The following CNTNAP5 variants were observed in gnomAD, a reference collection of about 807,000 sequenced individuals.
The protein encoded by CNTNAP5 is contactin-associated protein-like 5.
CNTNAP5 carries 72 observed loss-of-function variants against 150.2 expected under a neutral mutation model. The ratio of observed to expected loss-of-function variants is 0.48; its 90% CI spans 0.40 to 0.58. The LOEUF (loss-of-function observed/expected upper bound fraction) is 0.58. CNTNAP5 is among the 20% of genes least tolerant of loss of function. The probability of loss-of-function intolerance (pLI) is 0.00; values close to 1 mark genes in which losing one functional copy is unlikely to be tolerated. For missense variants in CNTNAP5, 1,636 were observed against 1,626.2 expected (o/e 1.01, Z -0.10); for synonymous variants, 672 against 619.8 (o/e 1.08, Z -1.25).
intron 18 of CNTNAP5, among the ~76,000 whole-genome samples, chr2:124,796,518 A>G (rs1183840978): frequency 1.3e-5 from 2 of 152,238 alleles, no homozygotes; most frequent in Non-Finnish European, 2.9e-5. Flanking sequence ...TGTAACCTGC[A>G]TGATAAATGC....
At chr2:124,587,292 A>T (rs558247724) in intron 11 of CNTNAP5, among the ~76,000 whole-genome samples, 1 of 152,284 alleles carries the variant, frequency 6.6e-6, no homozygotes, top group South Asian at 2.1e-4. Context: ...TCCTCAATTT[A>T]TTCTGAGTCT....
At chr2:124,668,811 G>T (rs1365176924) in intron 13 of CNTNAP5, among the ~76,000 whole-genome samples, 1 of 152,090 alleles carries the variant, frequency 6.6e-6, no homozygotes, top group East Asian at 1.9e-4. Flanking sequence ...TGGTCATTTG[G>T]GTAGAAATGG....
Position 124,455,388 on chromosome 2 carries a change from C to T in CNTNAP5, c.918+8451C>T, listed in dbSNP as rs111458672. On this transcript the variant is annotated intron_variant, in intron 6 of 23. Coordinates refer to ENST00000682447, the MANE Select transcript of CNTNAP5 (RefSeq NM_001367498.1). Reference sequence around the variant, plus strand: ...TGCTGAACAGACCAATAACAAGCAGCGATATTGAAATAGTAATCAAAAAAT... The same window carrying T: ...TGCTGAACAGACCAATAACAAGCAGTGATATTGAAATAGTAATCAAAAAAT... 6.9e-4 allele frequency among the ~76,000 whole-genome samples: 105 copies of T among 152,010 alleles called. 2 individuals are homozygous for T. The highest frequency in any genetic ancestry group is 1.6e-3 in the African/African-American group (67 of 41,476).
intron 3 of CNTNAP5, among the ~76,000 whole-genome samples, chr2:124,344,017 G>A (rs555094734): frequency 6.6e-6 from 1 of 152,184 alleles, no homozygotes; most frequent in Non-Finnish European, 1.5e-5. Context: ...AGTTGTACCA[G>A]AACAAGAACC....
At chr2:124,166,042 A>C (rs1014822425) in intron 1 of CNTNAP5, among the ~76,000 whole-genome samples, 1 of 152,164 alleles carries the variant, frequency 6.6e-6, no homozygotes, top group African/African-American at 2.4e-5. Flanking sequence ...CTAAGACAGA[A>C]TATCATCTAG....
chr2:124,737,320 C>A (rs1334393922), intron 13 of CNTNAP5, among the ~76,000 whole-genome samples: 1 of 150,896 alleles, frequency 6.6e-6, no homozygotes, highest in African/African-American at 2.4e-5. Context: ...GGAACGATAG[C>A]GTGATGTTGG....
At chr2:124,516,444 A>T (rs1485335729) in intron 8 of CNTNAP5, among the ~76,000 whole-genome samples, 1 of 152,200 alleles carries the variant, frequency 6.6e-6, no homozygotes, top group Non-Finnish European at 1.5e-5. Context: ...AAGCCAATCT[A>T]TTTTGTTTCC....
intron 3 of CNTNAP5, among the ~76,000 whole-genome samples, chr2:124,354,954 G>T (rs1689960073): frequency 6.6e-6 from 1 of 151,928 alleles, no homozygotes; most frequent in South Asian, 2.1e-4. Context: ...TCTCAGAGAT[G>T]ACTCTTGAAC....
At chr2:124,629,995 T>C (rs924254799) in intron 12 of CNTNAP5, among the ~76,000 whole-genome samples, 10 of 127,196 alleles carry the variant, frequency 7.9e-5, no homozygotes, top group African/African-American at 2.8e-4. Flanking sequence ...CCTGGACACA[T>C]ACAACCTCCC....
chr2:124,638,537 C>T (rs1038935157), intron 12 of CNTNAP5, among the ~76,000 whole-genome samples: 1 of 152,080 alleles, frequency 6.6e-6, no homozygotes, highest in Non-Finnish European at 1.5e-5. Flanking sequence ...TAATATTCAA[C>T]TTTTGGACTT....
At chr2:124,504,846 A>G (rs566242477) in intron 8 of CNTNAP5, among the ~76,000 whole-genome samples, 4 of 151,516 alleles carry the variant, frequency 2.6e-5, no homozygotes, top group African/African-American at 9.7e-5. Context: ...AGCTGGGACT[A>G]CAGATGCACA....
At chr2:124,806,689 T>C (rs1006621961) in intron 19 of CNTNAP5, among the ~76,000 whole-genome samples, 3 of 152,192 alleles carry the variant, frequency 2.0e-5, no homozygotes, top group Non-Finnish European at 1.5e-5. Context: ...TGCTTCATTG[T>C]TTATAGAAAG....
At chr2:124,484,063 C>G (rs1221704376) in intron 7 of CNTNAP5, among the ~76,000 whole-genome samples, 1 of 152,192 alleles carries the variant, frequency 6.6e-6, no homozygotes, top group Non-Finnish European at 1.5e-5. Context: ...CTGTGGATCC[C>G]GACACTACTT....
chr2:124,185,143 A>G (rs1284573902), intron 1 of CNTNAP5, among the ~76,000 whole-genome samples: 1 of 152,192 alleles, frequency 6.6e-6, no homozygotes, highest in Non-Finnish European at 1.5e-5. Context: ...TAGTTTCCTT[A>G]TTAAAATTCC....
At chr2:124,504,186 G>T in intron 7 of CNTNAP5, 106 bp from the exon 8 acceptor site, 1 of 1,133,968 alleles carries the variant, frequency 8.8e-7, no homozygotes, top group Non-Finnish European at 1.3e-6. Context: ...CGCTGAATGT[G>T]GAATGATCCT....
intron 1 of CNTNAP5, among the ~76,000 whole-genome samples, chr2:124,083,202 A>G (rs1359612797): frequency 6.6e-6 from 1 of 152,038 alleles, no homozygotes; most frequent in Non-Finnish European, 1.5e-5. Flanking sequence ...ACAAAAATTG[A>G]CTGGGTGTGG....
chr2:124,812,326 A>T (rs1682254345), intron 19 of CNTNAP5, among the ~76,000 whole-genome samples: 1 of 150,418 alleles, frequency 6.6e-6, no homozygotes, highest in Admixed American at 6.7e-5. Flanking sequence ...TAGAGCACAC[A>T]TATGGAAACC....
intron 6 of CNTNAP5, among the ~76,000 whole-genome samples, chr2:124,468,135 A>C (rs945538342): frequency 6.6e-6 from 1 of 152,082 alleles, no homozygotes; most frequent in East Asian, 1.9e-4. Flanking sequence ...TTAGTGTACT[A>C]ACCAGGGTTC....
intron 11 of CNTNAP5, among the ~76,000 whole-genome samples, chr2:124,598,828 G>A (rs978731659): frequency 1.2e-4 from 19 of 152,340 alleles, no homozygotes; most frequent in African/African-American, 4.3e-4. Context: ...CGAGCCAGGT[G>A]TGGGATATAG....
Sources: gnomAD v4.1 joint callset for allele counts (sites outside exome capture counted in the v4.1 genomes callset) on GRCh38, gnomAD v4.1.1 for gene constraint, MANE v1.5 for transcripts, NCBI Gene and HGNC (gene_info 2026-07-23, HGNC 2026-07-21) for gene names.